FBLN7: variants seen among roughly 807,000 people sequenced by gnomAD.
FBLN7 encodes fibulin-7.
FBLN7 carries 31 observed loss-of-function variants against 44.0 expected under a neutral mutation model. The observed-to-expected ratio is 0.70, with a 90% CI of 0.53 to 0.95. The LOEUF (loss-of-function observed/expected upper bound fraction) is 0.95. FBLN7 is among the 40% of genes least tolerant of loss of function. The pLI is 0.00. For synonymous variants in FBLN7, 262 were observed against 253.4 expected (o/e 1.03, Z -0.32); for missense variants, 573 against 618.5 (o/e 0.93, Z 0.78).
intron 3 of FBLN7, among the ~76,000 whole-genome samples, chr2:112,170,416 A>C (rs935584671): frequency 4.6e-5 from 7 of 150,912 alleles, no homozygotes; most frequent in Non-Finnish European, 7.4e-5. Flanking sequence ...AATCCCAGCT[A>C]CTCTGGAGGC....
chr2:112,232,633 G>A, the FBLN7 span, among the ~76,000 whole-genome samples: 2 of 152,100 alleles, frequency 1.3e-5, no homozygotes, highest in Non-Finnish European at 2.9e-5. Context: ...TGGATCCTTT[G>A]TACATTAGAC....
chr2:112,198,770 G>A, the FBLN7 span, among the ~76,000 whole-genome samples: 1 of 152,154 alleles, frequency 6.6e-6, no homozygotes, highest in Non-Finnish European at 1.5e-5. Context: ...AAACCTGCTG[G>A]AACCTTGATC....
At chr2:112,228,130 A>G in the FBLN7 span, among the ~76,000 whole-genome samples, 1 of 152,234 alleles carries the variant, frequency 6.6e-6, no homozygotes, top group South Asian at 2.1e-4. Flanking sequence ...GTACAGAAAT[A>G]AATCCATACA....
At chr2:112,159,024 GT>G (rs1558877334) in intron 1 of FBLN7, among the ~76,000 whole-genome samples, 1 of 152,134 alleles carries the variant, frequency 6.6e-6, no homozygotes, top group African/African-American at 2.4e-5. Context: ...ATAAGTTTCT[GT>G]TGTTTGAACA....
intron 1 of FBLN7, among the ~76,000 whole-genome samples, chr2:112,154,502 A>G (rs964580907): frequency 5.3e-5 from 8 of 151,670 alleles, no homozygotes; most frequent in African/African-American, 1.9e-4. Flanking sequence ...ACCTTCACCC[A>G]CTCCCACCTT....
chr2:112,144,513 GTTTTC>G (rs1172829264), intron 1 of FBLN7, among the ~76,000 whole-genome samples: 14 of 140,168 alleles, frequency 1.0e-4, no homozygotes, highest in African/African-American at 3.4e-4. Flanking sequence ...TTTTGTTTTT[GTTTTC>G]TTTTCTTTTT....
chr2:112,143,278 G>C (rs2104534841), intron 1 of FBLN7, among the ~76,000 whole-genome samples: 1 of 152,300 alleles, frequency 6.6e-6, no homozygotes, highest in African/African-American at 2.4e-5. Context: ...TCATTGGGGA[G>C]ATCAGAACAA....
chr2:112,240,237 A>G, the FBLN7 span: 3 of 152,256 alleles, frequency 2.0e-5, no homozygotes, highest in African/African-American at 7.2e-5. Flanking sequence ...TTACTGTAAC[A>G]CCAATTACAT....
intron 1 of FBLN7, among the ~76,000 whole-genome samples, chr2:112,156,836 C>G (rs1033767027): frequency 3.3e-5 from 5 of 152,162 alleles, no homozygotes; most frequent in African/African-American, 9.7e-5. Flanking sequence ...AGTGAGTCAT[C>G]TGTTTGGTGA....
chr2:112,235,624 AG>A, the FBLN7 span, among the ~76,000 whole-genome samples: 1 of 152,206 alleles, frequency 6.6e-6, no homozygotes, highest in Non-Finnish European at 1.5e-5. Flanking sequence ...TAATAAAAAA[AG>A]TTGCCATCCA....
At chr2:112,160,778 ACACG>A (rs1209363802) in intron 2 of FBLN7, among the ~76,000 whole-genome samples, 4 of 143,350 alleles carry the variant, frequency 2.8e-5, no homozygotes, top group South Asian at 4.5e-4. Context: ...ACGCAGACGC[ACACG>A]CACGCACACG....
At chr2:112,193,961 C>T in the FBLN7 span, among the ~76,000 whole-genome samples, 1 of 152,198 alleles carries the variant, frequency 6.6e-6, no homozygotes, top group Non-Finnish European at 1.5e-5. Context: ...TATCCCAACA[C>T]TTAGTGGCTT....
chr2:112,181,256 G>A (rs771080528), intron 4 of FBLN7, among the ~76,000 whole-genome samples: 47 of 152,212 alleles, frequency 3.1e-4, no homozygotes, highest in Non-Finnish European at 6.5e-4. Context: ...TGGGTGATGT[G>A]TACAATAACC....
chr2:112,169,136 G>C (rs576913583), intron 3 of FBLN7, among the ~76,000 whole-genome samples: 4 of 152,320 alleles, frequency 2.6e-5, no homozygotes, highest in African/African-American at 4.8e-5. Flanking sequence ...GCTAGGCGTG[G>C]TGGTGGGCAC....
chr2:112,146,794 T>C (rs1174512198), intron 1 of FBLN7, among the ~76,000 whole-genome samples: 1 of 152,212 alleles, frequency 6.6e-6, no homozygotes, highest in Non-Finnish European at 1.5e-5. Context: ...ATGTGTCATT[T>C]ATTTATGTAT....
the FBLN7 span, among the ~76,000 whole-genome samples, chr2:112,228,013 G>A: frequency 6.6e-6 from 1 of 152,212 alleles, no homozygotes; most frequent in Non-Finnish European, 1.5e-5. Context: ...AACAAAGCTA[G>A]ACAGCTTACG....
downstream of FBLN7, among the ~76,000 whole-genome samples, chr2:112,191,682 C>T (rs981070671): frequency 1.1e-4 from 17 of 151,982 alleles, no homozygotes; most frequent in Admixed American, 4.6e-4. Context: ...AGCATTTATG[C>T]GATTAGGGAC....
the FBLN7 span, among the ~76,000 whole-genome samples, chr2:112,228,039 A>G: frequency 1.3e-5 from 2 of 152,262 alleles, no homozygotes; most frequent in East Asian, 3.8e-4. Flanking sequence ...TTATTTCAAA[A>G]CTTAGAACAA....
At chr2:112,144,658 C>G (rs1680820497) in intron 1 of FBLN7, among the ~76,000 whole-genome samples, 1 of 151,806 alleles carries the variant, frequency 6.6e-6, no homozygotes, top group African/African-American at 2.4e-5. Flanking sequence ...CCGTGAGTAG[C>G]TGGGATTACA....
Sources: allele counts gnomAD v4.1 joint callset (sites outside exome capture counted in the v4.1 genomes callset), GRCh38; gene constraint gnomAD v4.1.1; transcripts MANE v1.5; gene names NCBI Gene and HGNC (gene_info 2026-07-23, HGNC 2026-07-21).